The following AIM2 variants were observed in gnomAD, a reference collection of about 807,000 sequenced individuals.
AIM2 encodes the protein interferon-inducible protein AIM2.
In AIM2, 30 loss-of-function variants were observed where a neutral mutation model predicts 27.7. That is an observed-to-expected ratio of 1.08 (90% CI 0.81 to 1.47). The LOEUF (loss-of-function observed/expected upper bound fraction) is 1.47, where lower values mean the gene tolerates loss of function less well. Among genes scored for constraint, AIM2 ranks in the 40% most tolerant of loss-of-function variants. The pLI, the probability that AIM2 is intolerant of heterozygous loss-of-function variation, is 0.00. For synonymous variants in AIM2, 141 were observed against 145.3 expected (o/e 0.97, Z 0.21); for missense variants, 358 against 411.3 (o/e 0.87, Z 1.12).
At chr1:159,088,319 T>TTCAATAAA (rs1205363846) in intron 1 of AIM2, among the ~76,000 whole-genome samples, 7 of 152,134 alleles carry the variant, frequency 4.6e-5, no homozygotes, top group African/African-American at 1.7e-4. Flanking sequence ...GAACATGCCT[T>TTCAATAAA]AGAACCATGA....
chr1:159,070,498 C>A, intron 2 of AIM2, among the ~76,000 whole-genome samples: 1 of 152,172 alleles, frequency 6.6e-6, no homozygotes, highest in East Asian at 1.9e-4. Flanking sequence ...GACCATGTAA[C>A]AAGATGGCCA....
At chr1:159,083,470 C>T (rs557245151) in intron 1 of AIM2, among the ~76,000 whole-genome samples, 9 of 152,218 alleles carry the variant, frequency 5.9e-5, no homozygotes, top group African/African-American at 1.9e-4. Context: ...TTATTATCAT[C>T]CTTGTAATAT....
chr1:159,145,400 G>A (rs1648183660), upstream of AIM2, among the ~76,000 whole-genome samples: 2 of 152,064 alleles, frequency 1.3e-5, no homozygotes, highest in Admixed American at 6.5e-5. Context: ...CTCCCTCCTA[G>A]CCTGTCAGCC....
upstream of AIM2, among the ~76,000 whole-genome samples, chr1:159,141,695 A>G (rs769057129): frequency 2.0e-5 from 3 of 151,996 alleles, no homozygotes; most frequent in Non-Finnish European, 4.4e-5. Flanking sequence ...CTCACCACAC[A>G]CACAGCATCA....
At chr1:159,142,554 G>C (rs1648135788), upstream of AIM2, among the ~76,000 whole-genome samples, 1 of 152,102 alleles carries the variant, frequency 6.6e-6, no homozygotes, top group Non-Finnish European at 1.5e-5. Flanking sequence ...CGGAATCCCT[G>C]ACAGCCTTTT....
At chr1:159,062,765 G>A (rs753804198) in intron 5 of AIM2, 47 bp from the exon 6 acceptor site, 8 of 1,578,950 alleles carry the variant, frequency 5.1e-6, no homozygotes, top group Middle Eastern at 1.7e-4. Context: ...GTCGATGAGT[G>A]GCCCCTCCAC....
At chr1:159,115,220 G>T (rs1370778690) in intron 1 of AIM2, among the ~76,000 whole-genome samples, 1 of 152,104 alleles carries the variant, frequency 6.6e-6, no homozygotes, top group Admixed American at 6.6e-5. Context: ...CATGCTCATG[G>T]GTAGGAAGAA....
At chr1:159,140,143 G>A (rs1309019447) in intron 1 of AIM2, among the ~76,000 whole-genome samples, 2 of 151,986 alleles carry the variant, frequency 1.3e-5, no homozygotes, top group East Asian at 3.9e-4. Flanking sequence ...TAAACAAAAG[G>A]CTCCAGGAAA....
At chr1:159,075,802 G>A (rs766655718) in intron 1 of AIM2, among the ~76,000 whole-genome samples, 16 of 152,138 alleles carry the variant, frequency 1.1e-4, no homozygotes, top group Admixed American at 7.2e-4. Flanking sequence ...TTCCAGAGCA[G>A]CAACATATAA....
chr1:159,071,493 A>C (rs1244561364), intron 2 of AIM2, among the ~76,000 whole-genome samples: 1 of 152,184 alleles, frequency 6.6e-6, no homozygotes, highest in Non-Finnish European at 1.5e-5. Context: ...AGCATGCAAG[A>C]AGCATACTTT....
At chr1:159,118,906 A>T (rs1294125425) in intron 1 of AIM2, among the ~76,000 whole-genome samples, 3 of 152,132 alleles carry the variant, frequency 2.0e-5, no homozygotes, top group African/African-American at 4.8e-5. Flanking sequence ...TGCATCGGTA[A>T]CAAACAATCC....
At chr1:159,087,730 G>A (rs1453988288) in intron 1 of AIM2, among the ~76,000 whole-genome samples, 4 of 151,722 alleles carry the variant, frequency 2.6e-5, no homozygotes, top group African/African-American at 4.9e-5. Flanking sequence ...CCACCACCAC[G>A]CCCAGCTAAT....
chr1:159,134,566 T>C (rs1025323078), intron 1 of AIM2, among the ~76,000 whole-genome samples: 2 of 152,212 alleles, frequency 1.3e-5, no homozygotes, highest in African/African-American at 4.8e-5. Flanking sequence ...GTGCGGTGGC[T>C]CACACCTGTA....
intron 1 of AIM2, among the ~76,000 whole-genome samples, chr1:159,134,040 G>C (rs75014737): frequency 6.6e-6 from 1 of 152,192 alleles, no homozygotes; most frequent in African/African-American, 2.4e-5. Flanking sequence ...CCCCAAACTT[G>C]GCCTTCTTCA....
intron 1 of AIM2, among the ~76,000 whole-genome samples, chr1:159,138,576 G>A (rs1374702124): frequency 1.3e-5 from 2 of 152,150 alleles, no homozygotes; most frequent in Admixed American, 1.3e-4. Flanking sequence ...GAAGAAGGTG[G>A]AATCTACTAT....
chr1:159,100,247 T>C (rs760795867), intron 1 of AIM2, among the ~76,000 whole-genome samples: 10 of 152,244 alleles, frequency 6.6e-5, no homozygotes, highest in African/African-American at 2.4e-4. Context: ...CTTTCTCCTA[T>C]ATGACACTAC....
chr1:159,120,502 T>C (rs936600309), intron 1 of AIM2, among the ~76,000 whole-genome samples: 2 of 152,178 alleles, frequency 1.3e-5, no homozygotes, highest in Non-Finnish European at 2.9e-5. Flanking sequence ...TAAACTGTCG[T>C]CTCGTGCCAC....
At chr1:159,103,077 C>A (rs1657350430) in intron 1 of AIM2, among the ~76,000 whole-genome samples, 1 of 152,092 alleles carries the variant, frequency 6.6e-6, no homozygotes, top group African/African-American at 2.4e-5. Context: ...TGGGAGGCAC[C>A]CAGTGGGAGG....
chr1:159,109,791 C>T (rs150722098), intron 1 of AIM2, among the ~76,000 whole-genome samples: 1 of 151,906 alleles, frequency 6.6e-6, no homozygotes, highest in Non-Finnish European at 1.5e-5. Flanking sequence ...AAATGGCCAA[C>T]AAACATATGA....
Sources: allele counts gnomAD v4.1 joint callset (sites outside exome capture counted in the v4.1 genomes callset), GRCh38; gene constraint gnomAD v4.1.1; transcripts MANE v1.5; gene names NCBI Gene and HGNC (gene_info 2026-07-23, HGNC 2026-07-21).